REC114: variants seen among roughly 807,000 people sequenced by gnomAD.
REC114 encodes REC114 meiotic recombination protein.
Under a neutral mutation model 31.3 loss-of-function variants are expected in REC114, and 27 were observed. The observed-to-expected ratio is 0.86, with a 90% CI of 0.64 to 1.19. REC114 has a LOEUF of 1.19. REC114 is among the 50% of genes most tolerant of loss of function. REC114 has a pLI of 0.00. For missense variants in REC114, 344 were observed against 326.9 expected, an observed-to-expected ratio of 1.05 and a Z score of -0.40; for synonymous variants, 134 against 127.7, an observed-to-expected ratio of 1.05 and a Z score of -0.33.
intron 4 of REC114, among the ~76,000 whole-genome samples, chr15:73,555,206 C>T (rs1188583528): frequency 2.6e-5 from 4 of 152,178 alleles, no homozygotes; most frequent in Admixed American, 2.6e-4. Context: ...GGTAGTCAGA[C>T]TTGTTGCTGA....
chr15:73,541,465 T>C (rs908674159), intron 3 of REC114, among the ~76,000 whole-genome samples: 2 of 152,230 alleles, frequency 1.3e-5, no homozygotes, highest in Admixed American at 1.3e-4. Flanking sequence ...TAAAGAAGCA[T>C]ATATATTAGT....
chr15:73,559,681 T>G, intron 5 of REC114, 71 bp from the exon 6 acceptor site: 1 of 1,379,468 alleles, frequency 7.2e-7, no homozygotes, highest in Non-Finnish European at 9.7e-7. Flanking sequence ...AAAGCACTAT[T>G]TGCCTGTGTT....
intron 2 of REC114, among the ~76,000 whole-genome samples, chr15:73,513,184 T>C (rs1308474965): frequency 6.7e-6 from 1 of 148,234 alleles, no homozygotes; most frequent in African/African-American, 2.5e-5. Flanking sequence ...TCTCGCTTCA[T>C]TTCATTCATT....
intron 3 of REC114, 46 bp from the exon 4 acceptor site, chr15:73,550,892 T>C: frequency 1.3e-6 from 2 of 1,579,908 alleles, no homozygotes; most frequent in Non-Finnish European, 1.7e-6. Context: ...AAGTAAATAG[T>C]TATATGATGA....
intron 2 of REC114, among the ~76,000 whole-genome samples, chr15:73,494,573 T>C (rs1160139589): frequency 6.6e-6 from 1 of 152,114 alleles, no homozygotes. Context: ...TTTTCTAAAA[T>C]GCTTTAAGTA....
intron 5 of REC114, among the ~76,000 whole-genome samples, chr15:73,557,108 C>T (rs1281767733): frequency 6.6e-6 from 1 of 151,280 alleles, no homozygotes; most frequent in African/African-American, 2.4e-5. Flanking sequence ...GCCTCAGCAC[C>T]CAGCAGGCTG....
intron 2 of REC114, among the ~76,000 whole-genome samples, chr15:73,481,291 C>G (rs1468689193): frequency 1.3e-5 from 2 of 151,984 alleles, no homozygotes; most frequent in African/African-American, 4.8e-5. Context: ...CCTGTGAGAT[C>G]CATGGGAACT....
At chr15:73,528,260 T>A (rs1894031966) in intron 2 of REC114, among the ~76,000 whole-genome samples, 1 of 152,328 alleles carries the variant, frequency 6.6e-6, no homozygotes, top group East Asian at 1.9e-4. Context: ...TGAAAAAATT[T>A]AAAAATTACC....
At chr15:73,507,251 TTTGC>T (rs1383600759) in intron 2 of REC114, among the ~76,000 whole-genome samples, 3 of 152,224 alleles carry the variant, frequency 2.0e-5, no homozygotes, top group African/African-American at 4.8e-5. Flanking sequence ...CATATACATT[TTTGC>T]TTGCACATGC....
chr15:73,489,305 G>A, intron 2 of REC114, among the ~76,000 whole-genome samples: 1 of 148,920 alleles, frequency 6.7e-6, no homozygotes, highest in Non-Finnish European at 1.5e-5. Flanking sequence ...CCAGGTTCAA[G>A]CAATTCTCCT....
chr15:73,534,832 T>C (rs1364151494), intron 2 of REC114, among the ~76,000 whole-genome samples: 2 of 147,286 alleles, frequency 1.4e-5, no homozygotes, highest in Non-Finnish European at 3.0e-5. Flanking sequence ...TTATCCACCA[T>C]GATCAAGTGG....
Position 73,550,969 on chromosome 15 carries a change from G to C in REC114, c.365G>C (p.Ser122Thr). 6.2e-7 allele frequency: 1 copy of C among 1,613,914 alleles called. No homozygotes were observed. The highest frequency in any genetic ancestry group is 1.1e-5 in the South Asian group (1 of 91,090). ...DKSRLFRVQFSGESKEQALEH... is the reference protein window; with the variant it reads ...DKSRLFRVQFTGESKEQALEH... Reference sequence around the variant, plus strand: ...AGTCGCCTGTTTCGAGTACAGTTCAGTGGAGAGTCAAAGGAGCAGGCGCTG... The same window carrying C: ...AGTCGCCTGTTTCGAGTACAGTTCACTGGAGAGTCAAAGGAGCAGGCGCTG... The change falls in exon 4 of 6, where the codon AGT becomes ACT. Residue 122 changes from serine to threonine, a missense_variant. Transcript: ENST00000331090.
chr15:73,537,349 T>C (rs1894169646), intron 2 of REC114, among the ~76,000 whole-genome samples: 2 of 152,124 alleles, frequency 1.3e-5, no homozygotes, highest in Admixed American at 1.3e-4. Flanking sequence ...GGAAACTCCA[T>C]GGCAAAATGG....
intron 2 of REC114, among the ~76,000 whole-genome samples, chr15:73,514,534 T>C (rs1016988768): frequency 6.6e-6 from 1 of 152,096 alleles, no homozygotes; most frequent in Non-Finnish European, 1.5e-5. Flanking sequence ...TAAGATAATT[T>C]AAGATACAAA....
chr15:73,449,095 A>G (rs1381321371), intron 1 of REC114, among the ~76,000 whole-genome samples: 1 of 152,156 alleles, frequency 6.6e-6, no homozygotes, highest in Non-Finnish European at 1.5e-5. Flanking sequence ...TTCACCTCCA[A>G]AAGATCACAA....
At chr15:73,551,566 CTG>C in intron 4 of REC114, among the ~76,000 whole-genome samples, 1 of 152,188 alleles carries the variant, frequency 6.6e-6, no homozygotes, top group East Asian at 1.9e-4. Flanking sequence ...TGGCACCAAA[CTG>C]TACTAATAGT....
At chr15:73,529,454 G>A (rs1026760480) in intron 2 of REC114, among the ~76,000 whole-genome samples, 3 of 152,102 alleles carry the variant, frequency 2.0e-5, no homozygotes, top group Non-Finnish European at 4.4e-5. Flanking sequence ...TGGCTTTTTA[G>A]AGATAGATTC....
At position 73,531,982 on chromosome 15, in the gene REC114, CTT is replaced by C. The variant is rs60376866; in HGVS notation, c.250-8488_250-8487del. ...TTAGCATTTCCTAGAGTTCTCCACT[CTT>C]TTTTTTTTTTTTTTAATACTTTAAG... On this transcript the variant is annotated intron_variant, in intron 2 of 5. Coordinates refer to ENST00000331090, the MANE Select transcript of REC114 (RefSeq NM_001042367.2). Among the ~76,000 whole-genome samples the C allele has an allele frequency of 1.4e-3, 188 of 138,820 alleles. 1 individual carries two copies. The highest frequency in any genetic ancestry group is 3.7e-3 in the Middle Eastern group (1 of 272). The allele number at this position is 138,820 out of a possible 152,430, so 91.1% of individuals were successfully genotyped here.
intron 2 of REC114, among the ~76,000 whole-genome samples, chr15:73,539,437 C>T (rs1302250215): frequency 6.8e-6 from 1 of 147,892 alleles, no homozygotes; most frequent in Non-Finnish European, 1.5e-5. Context: ...ACTACAGGCA[C>T]CTGCCACCAC....
Sources: allele counts gnomAD v4.1 joint callset (sites outside exome capture counted in the v4.1 genomes callset), GRCh38; gene constraint gnomAD v4.1.1; transcripts MANE v1.5; gene names NCBI Gene and HGNC (gene_info 2026-07-23, HGNC 2026-07-21).